Variants in SNX29 observed in about 807,000 individuals in gnomAD.
SNX29 encodes sorting nexin-29.
Under a neutral mutation model 102.1 loss-of-function variants are expected in SNX29, and 78 were observed. The ratio of observed to expected loss-of-function variants is 0.76; its 90% CI spans 0.64 to 0.92. The LOEUF (loss-of-function observed/expected upper bound fraction) is 0.92. Among genes scored for constraint, SNX29 ranks in the 40% least tolerant of loss-of-function variants. SNX29 has a pLI of 0.00. For missense variants in SNX29, 1,280 were observed against 1,061.7 expected (o/e 1.21, Z -2.86); for synonymous variants, 580 against 414.5 (o/e 1.40, Z -4.85).
At chr16:12,300,322 T>G (rs774709065) in intron 15 of SNX29, among the ~76,000 whole-genome samples, 10 of 152,154 alleles carry the variant, frequency 6.6e-5, no homozygotes, top group Non-Finnish European at 1.3e-4. Context: ...CAAGGCAGAG[T>G]TGATCACATT....
intron 19 of SNX29, among the ~76,000 whole-genome samples, chr16:12,505,807 A>G (rs1476947977): frequency 6.6e-6 from 1 of 150,772 alleles, no homozygotes; most frequent in Non-Finnish European, 1.5e-5. Context: ...TTGAGAAGGA[A>G]TGACGTTGAA....
intron 16 of SNX29, chr16:12,373,570 T>C (rs1294521158): frequency 6.6e-6 from 1 of 152,200 alleles, no homozygotes; most frequent in Non-Finnish European, 1.5e-5. Flanking sequence ...AAAATAGCAC[T>C]CTCCTGCTTT....
intron 20 of SNX29, among the ~76,000 whole-genome samples, chr16:12,562,971 T>TAGCAAAGGAAC (rs150844642): frequency 0.26 from 39,557 of 151,784 alleles, 5,717 homozygotes; most frequent in East Asian, 0.44. Flanking sequence ...ACACAAGGGG[T>TAGCAAAGGAAC]GAGGGCTGAT....
rs540523634 is a variant in SNX29, at chr16:12,515,611, T to C, written c.2179-9091T>C. The C allele has an allele frequency of 2.5e-4, 120 of 487,700 alleles. 1 individual carries two copies. Among genetic ancestry groups the C allele is most frequent in the Non-Finnish European group, 4.4e-4 (108 of 245,100 alleles). 30.2% of individuals were successfully genotyped at this position (487,700 alleles called of 1,614,324 possible). A position where few individuals can be genotyped will look rare whatever the true frequency, so the allele number is the denominator to read the frequency against. On this transcript the variant is annotated intron_variant, in intron 19 of 20. Transcript: ENST00000566228. ...TCTTCAGGTGACCTCCGAAGTCACC[T>C]CCTCCCAGGTGCCTTCCTGTCCTAG...
chr16:12,544,438 T>C (rs1035338644), intron 20 of SNX29, among the ~76,000 whole-genome samples: 2 of 152,220 alleles, frequency 1.3e-5, no homozygotes, highest in Non-Finnish European at 1.5e-5. Flanking sequence ...TGGACGTTTC[T>C]CTTTCTCTAC....
chr16:12,248,283 C>T (rs2078318315), intron 14 of SNX29, among the ~76,000 whole-genome samples: 1 of 152,198 alleles, frequency 6.6e-6, no homozygotes, highest in Admixed American at 6.5e-5. Context: ...AATCGTTGTT[C>T]TTCATCGTGT....
In SNX29 at chr16:12,003,047, A is replaced by G; in HGVS notation, c.122+4A>G. The G allele has an allele frequency of 6.2e-7, 1 of 1,614,090 alleles. No individual in the cohort carries two copies. Among genetic ancestry groups the G allele is most frequent in the Non-Finnish European group, 8.5e-7 (1 of 1,179,984 alleles). ...TTGCCTCGGATTCCGACAGCAGGTA[A>G]ATATGTCACTTCTAAAACCGTTGAC... On this transcript the variant is annotated splice_donor_region_variant and intron_variant, in intron 3 of 20. Transcript: ENST00000566228.
At chr16:12,092,253 G>T (rs1223161909) in intron 11 of SNX29, among the ~76,000 whole-genome samples, 1 of 151,704 alleles carries the variant, frequency 6.6e-6, no homozygotes, top group Non-Finnish European at 1.5e-5. Flanking sequence ...CCCAAATCCT[G>T]CCTGACAAGT....
chr16:12,056,032 C>T (rs2050507173), intron 8 of SNX29, among the ~76,000 whole-genome samples: 1 of 152,096 alleles, frequency 6.6e-6, no homozygotes, highest in African/African-American at 2.4e-5. Flanking sequence ...CAGGAGTGTG[C>T]CACTATACCC....
At chr16:12,306,038 A>G (rs902991941) in intron 15 of SNX29, among the ~76,000 whole-genome samples, 23 of 151,942 alleles carry the variant, frequency 1.5e-4, no homozygotes, top group African/African-American at 4.3e-4. Context: ...CTGACTCACC[A>G]TCTGTCTCAC....
At chr16:12,250,567 G>A (rs916873300) in intron 14 of SNX29, among the ~76,000 whole-genome samples, 1 of 152,180 alleles carries the variant, frequency 6.6e-6, no homozygotes, top group Non-Finnish European at 1.5e-5. Flanking sequence ...GTACTGGCTC[G>A]AAGCACAATG....
At chr16:12,477,111 T>G (rs547944767) in intron 18 of SNX29, among the ~76,000 whole-genome samples, 1 of 152,298 alleles carries the variant, frequency 6.6e-6, no homozygotes, top group Admixed American at 6.5e-5. Flanking sequence ...CCCAGAGTAT[T>G]CTCTAAGGAG....
At chr16:12,555,209 G>A (rs978483866) in intron 20 of SNX29, among the ~76,000 whole-genome samples, 3 of 151,872 alleles carry the variant, frequency 2.0e-5, no homozygotes, top group Non-Finnish European at 4.4e-5. Flanking sequence ...TGGACTATGG[G>A]CAGCTGCTGG....
intron 13 of SNX29, among the ~76,000 whole-genome samples, chr16:12,156,235 G>A (rs548583821): frequency 3.9e-5 from 6 of 152,240 alleles, no homozygotes; most frequent in Admixed American, 6.5e-5. Context: ...GTGCAGAGGC[G>A]CGATCTTGGC....
chr16:12,172,005 G>T (rs999303794), intron 13 of SNX29, among the ~76,000 whole-genome samples: 2 of 152,178 alleles, frequency 1.3e-5, no homozygotes, highest in African/African-American at 4.8e-5. Flanking sequence ...CATCCCCGCT[G>T]CTGCTTATTA....
At chr16:12,320,775 C>T (rs375204179) in intron 15 of SNX29, among the ~76,000 whole-genome samples, 2 of 152,178 alleles carry the variant, frequency 1.3e-5, no homozygotes, top group East Asian at 1.9e-4. Context: ...CTGACTCTTC[C>T]TTCCAAACTC....
At chr16:12,307,009 A>G (rs2080358683) in intron 15 of SNX29, among the ~76,000 whole-genome samples, 1 of 152,056 alleles carries the variant, frequency 6.6e-6, no homozygotes, top group African/African-American at 2.4e-5. Context: ...AGGGACCCGG[A>G]GTAGATGCTT....
chr16:12,294,816 G>A (rs2079925738), intron 15 of SNX29, among the ~76,000 whole-genome samples: 2 of 152,116 alleles, frequency 1.3e-5, no homozygotes. Context: ...GAGCTCCCGG[G>A]AAGAGATGAC....
chr16:12,077,297 A>G (rs901312516), intron 10 of SNX29, among the ~76,000 whole-genome samples: 6 of 151,884 alleles, frequency 4.0e-5, no homozygotes, highest in Admixed American at 3.9e-4. Context: ...AAAAATTGGA[A>G]AATGCAACAG....
Sources: allele counts gnomAD v4.1 joint callset (sites outside exome capture counted in the v4.1 genomes callset), GRCh38; gene constraint gnomAD v4.1.1; transcripts MANE v1.5; gene names NCBI Gene and HGNC (gene_info 2026-07-23, HGNC 2026-07-21).